Variants in MTUS1 observed in about 807,000 individuals in gnomAD.
MTUS1 encodes the protein microtubule associated scaffold protein 1, also known as microtubule-associated tumor suppressor 1.
A neutral mutation model predicts 120.8 loss-of-function variants in MTUS1; 109 were observed. The ratio of observed to expected loss-of-function variants is 0.90; its 90% CI spans 0.77 to 1.06. MTUS1 has a LOEUF of 1.06. MTUS1 is among the 50% of genes least tolerant of loss of function. The pLI is 0.00. For synonymous variants in MTUS1, 737 were observed against 550.5 expected (o/e 1.34, Z -4.74); for missense variants, 2,210 against 1,486.3 (o/e 1.49, Z -8.01).
At chr8:17,739,247 A>C (rs759312429) in intron 3 of MTUS1, among the ~76,000 whole-genome samples, 2 of 152,206 alleles carry the variant, frequency 1.3e-5, no homozygotes, top group African/African-American at 4.8e-5. Flanking sequence ...TAATCCCAGC[A>C]CTTTGGGAGG....
chr8:17,647,129 C>T (rs112360852), intron 13 of MTUS1, 50 bp from the exon 14 acceptor site: 27,437 of 1,446,052 alleles, frequency 0.019, 1,158 homozygotes, highest in South Asian at 0.1. Flanking sequence ...AAAAAAAAAC[C>T]CCTCATTTCT....
chr8:17,765,196 C>G (rs547836862), intron 1 of MTUS1, among the ~76,000 whole-genome samples: 1 of 152,282 alleles, frequency 6.6e-6, no homozygotes, highest in Non-Finnish European at 1.5e-5. Flanking sequence ...AGCTCAGGCA[C>G]TAATGCAAGC....
At chr8:17,712,932 G>A (rs1231394524) in intron 6 of MTUS1, among the ~76,000 whole-genome samples, 1 of 152,124 alleles carries the variant, frequency 6.6e-6, no homozygotes, top group African/African-American at 2.4e-5. Flanking sequence ...CATTGATCTT[G>A]GGGGAAGTAC....
At chr8:17,689,492 G>C (rs1419229593) in intron 6 of MTUS1, among the ~76,000 whole-genome samples, 5 of 152,182 alleles carry the variant, frequency 3.3e-5, no homozygotes, top group African/African-American at 1.2e-4. Flanking sequence ...TGAAGCAACA[G>C]TCCAAACTTG....
chr8:17,701,249 G>A (rs1237470239), intron 6 of MTUS1, among the ~76,000 whole-genome samples: 3 of 152,080 alleles, frequency 2.0e-5, no homozygotes, highest in African/African-American at 7.2e-5. Context: ...ACTCCTCACA[G>A]TCTTTAATGT....
At chr8:17,685,202 A>G (rs1483230604) in intron 6 of MTUS1, among the ~76,000 whole-genome samples, 3 of 151,650 alleles carry the variant, frequency 2.0e-5, no homozygotes, top group African/African-American at 7.2e-5. Context: ...CCAAGTAGTA[A>G]TAACGGCTTA....
chr8:17,653,983 C>CT (rs776802227), intron 10 of MTUS1: 152 of 158,084 alleles, frequency 9.6e-4, no homozygotes, highest in Non-Finnish European at 1.8e-3. Context: ...TTGGGCAACT[C>CT]TATTTTTGTG....
At chr8:17,730,492 A>G (rs2046495783) in intron 3 of MTUS1, among the ~76,000 whole-genome samples, 2 of 151,722 alleles carry the variant, frequency 1.3e-5, no homozygotes, top group South Asian at 4.2e-4. Context: ...CTTTAAAAAA[A>G]AAAAAAAAAA....
chr8:17,799,056 A>G (rs2052478005), intron 1 of MTUS1, among the ~76,000 whole-genome samples: 1 of 151,868 alleles, frequency 6.6e-6, no homozygotes, highest in Admixed American at 6.6e-5. Flanking sequence ...CTACATGTTG[A>G]CAAGAATACG....
chr8:17,683,276 A>G (rs1815004288), intron 7 of MTUS1, among the ~76,000 whole-genome samples: 2 of 152,150 alleles, frequency 1.3e-5, no homozygotes, highest in East Asian at 3.9e-4. Context: ...TGTCTCAAAA[A>G]AAAAGAGAAT....
At chr8:17,648,069 G>C (rs1400290743) in intron 13 of MTUS1, among the ~76,000 whole-genome samples, 2 of 152,166 alleles carry the variant, frequency 1.3e-5, no homozygotes, top group East Asian at 3.9e-4. Context: ...AAAAAACCTG[G>C]AATTTGAGAT....
In MTUS1 at chr8:17,654,551, G is replaced by A. The variant is rs1176888941; in HGVS notation, c.3214+10C>T. On this transcript the variant is annotated intron_variant, in intron 10 of 14. Coordinates refer to ENST00000693296, the MANE Select transcript of MTUS1 (RefSeq NM_001363059.2). ...TTATTCTGTTTAAAGAGGAAAAAAA[G>A]CATCCTTGCCTGAAAGGGAGGCTTC... 4 of 1,553,662 alleles carry A rather than the reference G, an allele frequency of 2.6e-6. No homozygotes were observed. The highest frequency in any genetic ancestry group is 1.4e-5 in the African/African-American group (1 of 73,692).
chr8:17,754,333 C>A lies in MTUS1; in HGVS notation c.1475G>T (p.Cys492Phe), dbSNP rs762678056. Reference sequence around the variant, plus strand: ...TATAATTTCAGTTTTTCTAACTTTGCAGCCTATTGGGGTATTCGTTTTGAT... The same window carrying A: ...TATAATTTCAGTTTTTCTAACTTTGAAGCCTATTGGGGTATTCGTTTTGAT... ...STIKTNTPIG[C>F]KVRKTEIISY... Residue 492 changes from cysteine (C) to phenylalanine (F), a missense_variant, in exon 2 of 15, where the codon TGC becomes TTC. By Grantham distance (205) the Cys-to-Phe change is radical. Coordinates refer to ENST00000693296, the MANE Select transcript of MTUS1 (RefSeq NM_001363059.2). 3.7e-6 allele frequency: 6 copies of A among 1,614,098 alleles called. No individual in the cohort carries two copies. The highest frequency in any genetic ancestry group is 4.2e-6 in the Non-Finnish European group (5 of 1,180,014).
intron 1 of MTUS1, among the ~76,000 whole-genome samples, chr8:17,772,450 T>G (rs991022039): frequency 1.3e-5 from 2 of 152,234 alleles, no homozygotes; most frequent in South Asian, 2.1e-4. Flanking sequence ...TTCATAATTA[T>G]GACTGTCATA....
intron 6 of MTUS1, among the ~76,000 whole-genome samples, chr8:17,685,760 A>G (rs1344766422): frequency 6.6e-6 from 1 of 152,224 alleles, no homozygotes; most frequent in Non-Finnish European, 1.5e-5. Context: ...TTGTATTAAT[A>G]CTTGATAATT....
At chr8:17,671,227 C>T (rs1277677206) in intron 8 of MTUS1, among the ~76,000 whole-genome samples, 1 of 151,284 alleles carries the variant, frequency 6.6e-6, no homozygotes, top group Non-Finnish European at 1.5e-5. Flanking sequence ...GTGGAGCTGC[C>T]GGCTGTTTTC....
At chr8:17,789,738 T>C (rs1335223736) in intron 1 of MTUS1, among the ~76,000 whole-genome samples, 1 of 152,218 alleles carries the variant, frequency 6.6e-6, no homozygotes, top group Non-Finnish European at 1.5e-5. Flanking sequence ...AGAAGGTGAC[T>C]GTATATACAC....
At chr8:17,701,692 C>G (rs531021366) in intron 6 of MTUS1, among the ~76,000 whole-genome samples, 1 of 151,980 alleles carries the variant, frequency 6.6e-6, no homozygotes, top group Admixed American at 6.5e-5. Flanking sequence ...GGACTACAGG[C>G]GCCCGCCACC....
At chr8:17,688,657 T>A (rs1255541839) in intron 6 of MTUS1, among the ~76,000 whole-genome samples, 1 of 152,192 alleles carries the variant, frequency 6.6e-6, no homozygotes, top group Admixed American at 6.5e-5. Context: ...CCCCAGCATC[T>A]GGTGGCAGGT....
Sources: allele counts gnomAD v4.1 joint callset (sites outside exome capture counted in the v4.1 genomes callset), GRCh38; gene constraint gnomAD v4.1.1; transcripts MANE v1.5; gene names NCBI Gene and HGNC (gene_info 2026-07-23, HGNC 2026-07-21).